The following PCSK1 variants were observed in gnomAD, a reference collection of about 807,000 sequenced individuals.
PCSK1 encodes neuroendocrine convertase 1.
In PCSK1, 56 loss-of-function variants were observed where a neutral mutation model predicts 90.6. The ratio of observed to expected loss-of-function variants is 0.62; its 90% CI spans 0.50 to 0.77. The LOEUF (loss-of-function observed/expected upper bound fraction) is 0.77. Ranked by LOEUF, PCSK1 falls within the 30% of genes least tolerant of loss-of-function variation. PCSK1 has a pLI of 0.00. For missense variants in PCSK1, 801 were observed against 932.6 expected, an observed-to-expected ratio of 0.86 and a Z score of 1.84; for synonymous variants, 348 against 342.4, an observed-to-expected ratio of 1.02 and a Z score of -0.18.
intron 9 of PCSK1, among the ~76,000 whole-genome samples, chr5:96,403,915 T>C (rs780330849): frequency 3.3e-5 from 5 of 152,240 alleles, no homozygotes; most frequent in African/African-American, 4.8e-5. Flanking sequence ...ACCAGAAGTT[T>C]GGCTTATCTG....
rs1759899039 is a variant in PCSK1 at position 96,390,342 on chromosome 5, G to A, written c.*2659C>T. ...AAAGAGGGAGATCTTGTTTGTGGTG[G>A]AAACATGAGCTTTTTTTCTTTTGAC... On this transcript the variant is annotated 3_prime_UTR_variant, in exon 14 of 14. Coordinates refer to ENST00000311106, the MANE Select transcript of PCSK1 (RefSeq NM_000439.5). The A allele has an allele frequency of 6.6e-6, 1 of 152,142 alleles. No homozygotes were observed. The highest frequency in any genetic ancestry group is 2.1e-4 in the South Asian group (1 of 4,830). The allele number at this position is 152,142 out of a possible 1,614,324, so 9.4% of individuals were successfully genotyped here. A position where few individuals can be genotyped will look rare whatever the true frequency, so the allele number is the denominator to read the frequency against.
At position 96,425,851 on chromosome 5, in the gene PCSK1, T is replaced by C. The variant is rs1237338413; in HGVS notation, c.365A>G (p.Asn122Ser). The change falls in exon 3 of 14, where the codon AAT becomes AGT. Residue 122 changes from asparagine (N) to serine (S), a missense_variant. Asn to Ser is a conservative substitution (Grantham distance 46). Transcript: ENST00000311106. ...ALRDSALNLF[N>S]DPMWNQQWYL... Reference sequence around the variant, plus strand: ...CCATTGCTGATTCCACATGGGATCATTGAAGAGATTTAGTGCTGAGTCCCT... The same window carrying C: ...CCATTGCTGATTCCACATGGGATCACTGAAGAGATTTAGTGCTGAGTCCCT... 3 of 1,608,290 alleles carry C rather than the reference T, an allele frequency of 1.9e-6. No homozygotes were observed. The highest frequency in any genetic ancestry group is 2.7e-5 in the African/African-American group (2 of 74,826).
Position 96,408,225 on chromosome 5 carries a change from T to G in PCSK1, c.1194A>C (p.Ala398=), listed in dbSNP as rs1580753139. Residue 398 remains alanine (A), a splice_region_variant and synonymous_variant, in exon 9 of 14, where the codon GCA becomes GCC. Coordinates refer to ENST00000311106, the MANE Select transcript of PCSK1 (RefSeq NM_000439.5). ...ATTAGAAGCTTTCTGGGCCTTACTTTGCTTCCAGGGCCAGAGCGAAGATGC... is the reference window on the plus strand; with the variant it reads ...ATTAGAAGCTTTCTGGGCCTTACTTGGCTTCCAGGGCCAGAGCGAAGATGC... ...AAGIFALALE[A]NPNLTWRDMQ... is the part of the protein sequence containing the mutation. 1 of 1,611,656 alleles carries G rather than the reference T, an allele frequency of 6.2e-7. No individual in the cohort carries two copies. The highest frequency in any genetic ancestry group is 1.1e-5 in the South Asian group (1 of 91,006).
chr5:96,431,386 G>A (rs1257107224), intron 1 of PCSK1, among the ~76,000 whole-genome samples: 1 of 152,116 alleles, frequency 6.6e-6, no homozygotes, highest in Non-Finnish European at 1.5e-5. Context: ...CACCCCTCCC[G>A]AATTCCCTAC....
chr5:96,418,704 G>T (rs531748665), intron 5 of PCSK1, among the ~76,000 whole-genome samples: 1 of 152,082 alleles, frequency 6.6e-6, no homozygotes, highest in Admixed American at 6.5e-5. Context: ...AAACCTAAGG[G>T]CTTTATGTCT....
Position 96,410,928 on chromosome 5 carries a change from C to T in PCSK1, c.941G>A (p.Gly314Glu). ...GTAGCCATCACAGTCACAATTATCT[C>T]CCTGACGCCCCCCGTTTCCCGAAGC... Reference protein sequence around the residue: ...VWASGNGGRQGDNCDCDGYTD... With the variant: ...VWASGNGGRQEDNCDCDGYTD... Residue 314 changes from glycine (G) to glutamate (E), a missense_variant, in exon 8 of 14, where the codon GGA (glycine) becomes GAA (glutamate). By Grantham distance (98) the Gly-to-Glu change is moderately conservative. Transcript: ENST00000311106. 6.2e-7 allele frequency: 1 copy of T among 1,614,024 alleles called. No individual in the cohort carries two copies. The highest frequency in any genetic ancestry group is 8.5e-7 in the Non-Finnish European group (1 of 1,180,004).
At chr5:96,428,670 C>T in intron 2 of PCSK1, among the ~76,000 whole-genome samples, 1 of 152,236 alleles carries the variant, frequency 6.6e-6, no homozygotes, top group African/African-American at 2.4e-5. Flanking sequence ...CTCATGAAGA[C>T]ATGGATTTAC....
chr5:96,418,542 C>A (rs1412579384), intron 5 of PCSK1, among the ~76,000 whole-genome samples: 1 of 152,116 alleles, frequency 6.6e-6, no homozygotes, highest in Non-Finnish European at 1.5e-5. Context: ...TTCAGAGTAG[C>A]ATTCAAATGT....
chr5:96,412,752 G>GTTTTTTTTTTTTTGTTTTTT (rs1554058734), intron 6 of PCSK1, among the ~76,000 whole-genome samples: 30 of 71,822 alleles, frequency 4.2e-4, no homozygotes, highest in African/African-American at 2.7e-3. Flanking sequence ...CAGCTGTGAT[G>GTTTTTTTTTTTTTGTTTTTT]TTTTTTTTTT....
In PCSK1 at chr5:96,416,031, A is replaced by G. The variant is rs1453663530; in HGVS notation, c.709+2T>C. 2 of 1,589,918 alleles carry G rather than the reference A, an allele frequency of 1.3e-6. No individual in the cohort carries two copies. The highest frequency in any genetic ancestry group is 2.7e-5 in the African/African-American group (2 of 74,440). ...AGCTATAGGGACAATCCTCTGTTTTACCTCCAACTTTGGAATTGTATGCAA... is the reference window on the plus strand; with the variant it reads ...AGCTATAGGGACAATCCTCTGTTTTGCCTCCAACTTTGGAATTGTATGCAA... On this transcript the variant is annotated splice_donor_variant, in intron 6 of 13. Transcript: ENST00000311106. LOFTEE classifies it high-confidence loss of function.
intron 9 of PCSK1, among the ~76,000 whole-genome samples, chr5:96,402,828 A>G (rs1464957543): frequency 6.6e-6 from 1 of 152,138 alleles, no homozygotes; most frequent in Non-Finnish European, 1.5e-5. Context: ...TGACTGACAG[A>G]GAGGCCTTGG....
At chr5:96,423,231 C>T in intron 4 of PCSK1, 82 bp downstream of exon 4, 1 of 1,353,832 alleles carries the variant, frequency 7.4e-7, no homozygotes, top group Non-Finnish European at 1.0e-6. Context: ...GAGCAGCATC[C>T]CCTTGAAAAG....
rs1187397086 is a variant in PCSK1, at chr5:96,394,912, A to T, written c.1836T>A (p.Thr612=). The T allele has an allele frequency of 1.9e-6, 3 of 1,614,034 alleles. No homozygotes were observed. Among genetic ancestry groups the T allele is most frequent in the Non-Finnish European group, 2.5e-6 (3 of 1,180,010 alleles). The change falls in exon 13 of 14, where the codon ACT becomes ACA. Residue 612 remains threonine (T), a synonymous_variant. Coordinates refer to ENST00000311106, the MANE Select transcript of PCSK1 (RefSeq NM_000439.5). ...CCACCCCTCTTCTGTCATTCTGAAC[A>T]GTGTTGTAGGACGTGTACACACGAG... is the stretch of plus-strand genomic sequence containing the variant. The part of the protein sequence containing the change: ...KQPRVYTSYN[T]VQNDRRGVEK...
intron 9 of PCSK1, among the ~76,000 whole-genome samples, chr5:96,406,970 T>C (rs1760592691): frequency 6.6e-6 from 1 of 152,194 alleles, no homozygotes; most frequent in South Asian, 2.1e-4. Context: ...GTGTTAAGTA[T>C]TGGACTATTG....
At chr5:96,411,104 C>A in intron 7 of PCSK1, 118 bp from the exon 8 acceptor site, 3 of 809,624 alleles carry the variant, frequency 3.7e-6, no homozygotes, top group East Asian at 5.0e-5. Flanking sequence ...TATTTGGGAT[C>A]TATTTTCAAT....
intron 5 of PCSK1, among the ~76,000 whole-genome samples, chr5:96,417,125 C>T (rs1760961752): frequency 6.6e-6 from 1 of 152,180 alleles, no homozygotes; most frequent in Admixed American, 6.5e-5. Flanking sequence ...AGTTACATTT[C>T]AATTCTACTA....
At position 96,425,837 on chromosome 5, in the gene PCSK1, T is replaced by G; in HGVS notation, c.379A>C (p.Asn127His). The G allele has an allele frequency of 5.6e-6, 9 of 1,593,738 alleles. No homozygotes were observed. Among genetic ancestry groups the G allele is most frequent in the Non-Finnish European group, 7.7e-6 (9 of 1,161,428 alleles). The change falls in exon 3 of 14, where the codon AAT becomes CAT. Residue 127 changes from asparagine to histidine, a missense_variant. By Grantham distance (68) the Asn-to-His change is moderately conservative. Transcript: ENST00000311106. ...GTACTTACCAAGTACCATTGCTGAT[T>G]CCACATGGGATCATTGAAGAGATTT... ...ALNLFNDPMW[N>H]QQWYLQDTRM...
intron 9 of PCSK1, among the ~76,000 whole-genome samples, chr5:96,405,600 G>C (rs369721854): frequency 1.4e-4 from 21 of 152,120 alleles, no homozygotes; most frequent in African/African-American, 4.8e-4. Context: ...GAACCGGAGG[G>C]GTTGAGGTTG....
Position 96,429,294 on chromosome 5 carries a change from G to A in PCSK1, c.204C>T (p.Tyr68=). The A allele has an allele frequency of 6.3e-7, 1 of 1,588,282 alleles. No homozygotes were observed. The highest frequency in any genetic ancestry group is 8.6e-7 in the Non-Finnish European group (1 of 1,156,778). ...LGQIGSLENH[Y]LFKHKNHPRR... is the part of the protein sequence containing the mutation. ...TGGGGTGGTTTTTATGTTTGAATAA[G>A]TAGTGATTTTCAAGTGAACCAATCT... Residue 68 remains tyrosine, a synonymous_variant, in exon 2 of 14, where the codon TAC becomes TAT. Coordinates refer to ENST00000311106, the MANE Select transcript of PCSK1 (RefSeq NM_000439.5).
Sources: gnomAD v4.1 joint callset for allele counts (sites outside exome capture counted in the v4.1 genomes callset) on GRCh38, gnomAD v4.1.1 for gene constraint, MANE v1.5 for transcripts, NCBI Gene and HGNC (gene_info 2026-07-23, HGNC 2026-07-21) for gene names.